The following ZC3H12B variants were observed in gnomAD, a reference collection of about 807,000 sequenced individuals.
The protein encoded by ZC3H12B is probable ribonuclease ZC3H12B.
A neutral mutation model predicts 43.9 loss-of-function variants in ZC3H12B; 7 were observed. That is an observed-to-expected ratio of 0.16 (90% confidence interval 0.09 to 0.30). The LOEUF (loss-of-function observed/expected upper bound fraction) is 0.30. ZC3H12B is among the 10% of genes least tolerant of loss of function. ZC3H12B has a pLI of 1.00. For missense variants in ZC3H12B, 475 were observed against 670.2 expected, an observed-to-expected ratio of 0.71 and a Z score of 3.22; for synonymous variants, 222 against 241.7, an observed-to-expected ratio of 0.92 and a Z score of 0.76.
At chrX:65,173,988 T>A in the ZC3H12B span, among the ~76,000 whole-genome samples, 26,707 of 111,299 alleles carry the variant, frequency 0.24, 7,700 homozygotes, top group African/African-American at 0.83. Context: ...TTCTTCTAGC[T>A]GTCAGGCCTC....
At chrX:65,505,301 C>T (rs1435215254) in exon 5 of ZC3H12B, 3 of 112,002 alleles carry the variant, frequency 2.7e-5, no homozygotes, top group Non-Finnish European at 5.6e-5. Flanking sequence ...CTGTGAAACA[C>T]TCTGAATGTG....
intron 3 of ZC3H12B, among the ~76,000 whole-genome samples, chrX:65,406,227 G>A (rs768892059): frequency 1.8e-5 from 2 of 108,629 alleles, no homozygotes; most frequent in Non-Finnish European, 3.8e-5. Context: ...GATGAATATC[G>A]ATGCAAAAAT....
At chrX:65,345,124 G>T in the ZC3H12B span, among the ~76,000 whole-genome samples, 1 of 112,275 alleles carries the variant, frequency 8.9e-6, no homozygotes, top group Non-Finnish European at 1.9e-5. Flanking sequence ...CAACCATTGT[G>T]GAAAGTGGTG....
chrX:65,345,256 T>C, the ZC3H12B span, among the ~76,000 whole-genome samples: 1 of 112,139 alleles, frequency 8.9e-6, no homozygotes, highest in Admixed American at 9.5e-5. Context: ...CATATGTACA[T>C]TGCAGCACTA....
intron 3 of ZC3H12B, among the ~76,000 whole-genome samples, chrX:65,440,197 A>T (rs1001693026): frequency 2.7e-5 from 3 of 111,624 alleles, no homozygotes; most frequent in Non-Finnish European, 5.6e-5. Context: ...TGCATTAGCA[A>T]CTAGGCGATC....
the ZC3H12B span, among the ~76,000 whole-genome samples, chrX:65,098,406 C>G: frequency 1.8e-5 from 2 of 111,049 alleles, no homozygotes; most frequent in African/African-American, 6.5e-5. Flanking sequence ...GGGAGACTGA[C>G]TGATAGGGGA....
At chrX:65,293,968 A>G in the ZC3H12B span, among the ~76,000 whole-genome samples, 1 of 111,880 alleles carries the variant, frequency 8.9e-6, no homozygotes, top group South Asian at 3.7e-4. Flanking sequence ...AGGCATAGCT[A>G]GAGATCTAGA....
At chrX:65,104,720 A>G in the ZC3H12B span, among the ~76,000 whole-genome samples, 1 of 111,979 alleles carries the variant, frequency 8.9e-6, no homozygotes, top group African/African-American at 3.2e-5. Flanking sequence ...ATCTCACACC[A>G]TTTAGAATGG....
At chrX:65,332,277 A>G in the ZC3H12B span, among the ~76,000 whole-genome samples, 1 of 110,760 alleles carries the variant, frequency 9.0e-6, no homozygotes, top group Non-Finnish European at 1.9e-5. Context: ...GGTCTCTCAT[A>G]TTTGGGATAG....
At chrX:65,165,601 C>T in the ZC3H12B span, among the ~76,000 whole-genome samples, 1 of 112,271 alleles carries the variant, frequency 8.9e-6, no homozygotes, top group Non-Finnish European at 1.9e-5. Flanking sequence ...CAGCTTCATC[C>T]ATCTCCCTAC....
chrX:65,347,463 C>T, the ZC3H12B span, among the ~76,000 whole-genome samples: 1 of 112,066 alleles, frequency 8.9e-6, no homozygotes, highest in Non-Finnish European at 1.9e-5. Context: ...GACATTTATG[C>T]AGGCAACAGA....
chrX:65,251,968 C>T, the ZC3H12B span, among the ~76,000 whole-genome samples: 1 of 111,791 alleles, frequency 8.9e-6, no homozygotes, highest in Non-Finnish European at 1.9e-5. Flanking sequence ...ACTTCCAACA[C>T]TATGTTGAAT....
intron 3 of ZC3H12B, among the ~76,000 whole-genome samples, chrX:65,474,794 A>G (rs1192104829): frequency 9.0e-6 from 1 of 111,487 alleles, no homozygotes; most frequent in African/African-American, 3.3e-5. Flanking sequence ...ATTAGTAGAG[A>G]CAAGGTTTCA....
chrX:65,251,197 C>T, the ZC3H12B span, among the ~76,000 whole-genome samples: 5 of 111,663 alleles, frequency 4.5e-5, no homozygotes, highest in African/African-American at 9.8e-5. Flanking sequence ...AATAGGGAAT[C>T]GTTTCCCCAT....
At chrX:65,040,854 G>T in the ZC3H12B span, among the ~76,000 whole-genome samples, 11 of 110,876 alleles carry the variant, frequency 9.9e-5, no homozygotes, top group Admixed American at 1.9e-4. Flanking sequence ...CCATGATCTC[G>T]GCTCACTGCA....
At chrX:65,251,733 G>A in the ZC3H12B span, among the ~76,000 whole-genome samples, 3 of 110,177 alleles carry the variant, frequency 2.7e-5, no homozygotes, top group East Asian at 8.4e-4. Context: ...TGATTTGGCT[G>A]TTTGTCTGTT....
At chrX:65,050,856 C>T in the ZC3H12B span, among the ~76,000 whole-genome samples, 11 of 111,376 alleles carry the variant, frequency 9.9e-5, no homozygotes, top group Admixed American at 4.8e-4. Context: ...TGCATCTATG[C>T]TTATCAAATA....
At chrX:65,224,841 A>G in the ZC3H12B span, among the ~76,000 whole-genome samples, 1 of 112,150 alleles carries the variant, frequency 8.9e-6, no homozygotes, top group Non-Finnish European at 1.9e-5. Flanking sequence ...CGCCATTGCC[A>G]AGGCTTGCTT....
chrX:65,235,681 G>A, the ZC3H12B span, among the ~76,000 whole-genome samples: 4 of 111,459 alleles, frequency 3.6e-5, no homozygotes, highest in Non-Finnish European at 7.5e-5. Flanking sequence ...ATCTATATCA[G>A]GGAAACATGG....
Sources: allele counts gnomAD v4.1 joint callset (sites outside exome capture counted in the v4.1 genomes callset), GRCh38; gene constraint gnomAD v4.1.1; transcripts MANE v1.5; gene names NCBI Gene and HGNC (gene_info 2026-07-23, HGNC 2026-07-21).